Variants in SLC17A1 observed in about 807,000 individuals in gnomAD.
SLC17A1 encodes solute carrier family 17 member 1.
In SLC17A1, 51 loss-of-function variants were observed where a neutral mutation model predicts 53.5. The observed-to-expected ratio is 0.95, with a 90% CI of 0.76 to 1.20. SLC17A1 has a LOEUF of 1.20. Among genes scored for constraint, SLC17A1 ranks in the 50% most tolerant of loss-of-function variants. The pLI, the probability that SLC17A1 is intolerant of heterozygous loss-of-function variation, is 0.00. For missense variants in SLC17A1, 538 were observed against 568.2 expected, an observed-to-expected ratio of 0.95 and a Z score of 0.54; for synonymous variants, 179 against 198.8, an observed-to-expected ratio of 0.90 and a Z score of 0.84.
At chr6:25,776,603 C>A in the SLC17A1 span, 2 of 1,604,564 alleles carry the variant, frequency 1.2e-6, no homozygotes, top group Admixed American at 1.7e-5. Context: ...AGAGTGGGAT[C>A]CTGTCTGCCT....
intron 3 of SLC17A1, among the ~76,000 whole-genome samples, chr6:25,823,491 C>A (rs1297075741): frequency 6.6e-6 from 1 of 152,080 alleles, no homozygotes; most frequent in Non-Finnish European, 1.5e-5. Context: ...TATTTGCAAT[C>A]ATTACAATTT....
At chr6:25,782,575 C>T (rs1461595345), downstream of SLC17A1, among the ~76,000 whole-genome samples, 1 of 152,082 alleles carries the variant, frequency 6.6e-6, no homozygotes, top group South Asian at 2.1e-4. Context: ...TTCTGAGCAT[C>T]GAGTCATCTA....
At chr6:25,751,084 T>C in the SLC17A1 span, among the ~76,000 whole-genome samples, 1 of 152,216 alleles carries the variant, frequency 6.6e-6, no homozygotes. Context: ...CAATTCTGTC[T>C]GCAATTATCT....
intron 12 of SLC17A1, among the ~76,000 whole-genome samples, chr6:25,790,651 A>G (rs1763481522): frequency 6.6e-6 from 1 of 152,200 alleles, no homozygotes; most frequent in African/African-American, 2.4e-5. Context: ...CACATTTAAC[A>G]AAACTCAATT....
chr6:25,732,641 C>T, the SLC17A1 span: 5 of 1,254,056 alleles, frequency 4.0e-6, no homozygotes, highest in Non-Finnish European at 3.4e-6. Context: ...CGGGCAACGC[C>T]GTCGGAACAA....
intron 12 of SLC17A1, among the ~76,000 whole-genome samples, chr6:25,785,217 G>A (rs531394172): frequency 1.4e-4 from 22 of 152,042 alleles, no homozygotes; most frequent in Middle Eastern, 3.4e-3. Context: ...ACTTATATTC[G>A]AAAACTTCAA....
At chr6:25,822,004 T>C (rs1037445982) in intron 3 of SLC17A1, among the ~76,000 whole-genome samples, 1 of 152,216 alleles carries the variant, frequency 6.6e-6, no homozygotes, top group Non-Finnish European at 1.5e-5. Context: ...GTAATCCCAT[T>C]AGTAATAAAA....
At chr6:25,760,788 C>G in the SLC17A1 span, among the ~76,000 whole-genome samples, 1 of 151,944 alleles carries the variant, frequency 6.6e-6, no homozygotes, top group Non-Finnish European at 1.5e-5. Context: ...TTTTGTATTT[C>G]AAGTAGTATC....
chr6:25,765,685 T>TAGC, the SLC17A1 span, among the ~76,000 whole-genome samples: 5 of 152,220 alleles, frequency 3.3e-5, no homozygotes, highest in Admixed American at 2.6e-4. Context: ...ATGGAATTAG[T>TAGC]AGCAGCAAGG....
At chr6:25,746,070 C>A in the SLC17A1 span, among the ~76,000 whole-genome samples, 1 of 152,016 alleles carries the variant, frequency 6.6e-6, no homozygotes, top group Non-Finnish European at 1.5e-5. Flanking sequence ...TAGTATTAGC[C>A]GTTATCAATC....
At chr6:25,802,247 CATG>C (rs2151482657) in intron 10 of SLC17A1, among the ~76,000 whole-genome samples, 1 of 152,270 alleles carries the variant, frequency 6.6e-6, no homozygotes, top group East Asian at 1.9e-4. Context: ...AAAAGATTTT[CATG>C]AGTTCCTAAA....
the SLC17A1 span, among the ~76,000 whole-genome samples, chr6:25,772,091 A>G: frequency 6.6e-6 from 1 of 152,232 alleles, no homozygotes; most frequent in Admixed American, 6.5e-5. Context: ...TCAGGTGAAT[A>G]TATTCACCAA....
the SLC17A1 span, chr6:25,727,372 G>T: frequency 8.3e-6 from 10 of 1,210,486 alleles, no homozygotes; most frequent in South Asian, 3.5e-5. Context: ...TGTGGGCTTC[G>T]TTTTTGTGTA....
chr6:25,798,767 T>G lies in SLC17A1; in HGVS notation c.*2+16A>C. The G allele has an allele frequency of 6.3e-7, 1 of 1,591,382 alleles. No homozygotes were observed. Among genetic ancestry groups the G allele is most frequent in the Non-Finnish European group, 8.6e-7 (1 of 1,164,764 alleles). ...TCCCAGTTTCAAAAATTGTCCTTAATCTGATCACTTCTCACCTTCAGAGAC... is the reference window on the plus strand; with the variant it reads ...TCCCAGTTTCAAAAATTGTCCTTAAGCTGATCACTTCTCACCTTCAGAGAC... On this transcript the variant is annotated intron_variant, in intron 12 of 12. Transcript: ENST00000244527.
At chr6:25,734,217 C>A in the SLC17A1 span, among the ~76,000 whole-genome samples, 1 of 152,042 alleles carries the variant, frequency 6.6e-6, no homozygotes, top group Admixed American at 6.6e-5. Flanking sequence ...AATTATTAAA[C>A]CTCCTGGGAA....
chr6:25,805,763 G>A (rs1025825154), intron 10 of SLC17A1, among the ~76,000 whole-genome samples: 2 of 151,842 alleles, frequency 1.3e-5, no homozygotes, highest in African/African-American at 4.8e-5. Flanking sequence ...AACTAGAAAA[G>A]CTAGAGGAAA....
In SLC17A1 at chr6:25,798,070, A is replaced by T. The variant is rs139753475; in HGVS notation, c.*2+713T>A. 3.0e-3 allele frequency among the ~76,000 whole-genome samples: 457 copies of T among 152,288 alleles called. 11 individuals carry two copies. Among genetic ancestry groups the T allele is most frequent in the Admixed American group, 0.027 (420 of 15,296 alleles). On this transcript the variant is annotated intron_variant, in intron 12 of 12. Coordinates refer to ENST00000244527, the MANE Select transcript of SLC17A1 (RefSeq NM_005074.5). The stretch of plus-strand genomic sequence containing the variant: ...GATATTAGTGGTGGTGTGTTGTTTC[A>T]TCAGAAGGTATACAATGTCTTCATG...
the SLC17A1 span, among the ~76,000 whole-genome samples, chr6:25,729,576 A>G: frequency 5.9e-5 from 9 of 152,206 alleles, no homozygotes. Context: ...ACAGAAAACC[A>G]CGGGATGGGT....
the SLC17A1 span, among the ~76,000 whole-genome samples, chr6:25,755,048 TACACACACACAC>T: frequency 6.9e-6 from 1 of 144,946 alleles, no homozygotes; most frequent in African/African-American, 2.6e-5. Flanking sequence ...CACACACACA[TACACACACACAC>T]ACACACACAC....
Sources: allele counts gnomAD v4.1 joint callset (sites outside exome capture counted in the v4.1 genomes callset), GRCh38; gene constraint gnomAD v4.1.1; transcripts MANE v1.5; gene names NCBI Gene and HGNC (gene_info 2026-07-23, HGNC 2026-07-21).